The following GLRA2 variants were observed in gnomAD, a reference collection of about 807,000 sequenced individuals.
GLRA2 encodes the protein glycine receptor subunit alpha-2.
In GLRA2, 11 loss-of-function variants were observed where a neutral mutation model predicts 31.6. The observed-to-expected ratio is 0.35, with a 90% CI of 0.22 to 0.58. The LOEUF is 0.58. Ranked by LOEUF, GLRA2 falls within the 20% of genes least tolerant of loss-of-function variation. The pLI is 0.84. For synonymous variants in GLRA2, 132 were observed against 134.0 expected (o/e 0.99, Z 0.10); for missense variants, 212 against 351.8 (o/e 0.60, Z 3.18).
the GLRA2 span, among the ~76,000 whole-genome samples, chrX:14,500,012 G>T: frequency 1.3e-4 from 14 of 111,615 alleles, no homozygotes; most frequent in African/African-American, 2.3e-4. Flanking sequence ...CTTCCACTTT[G>T]TGTGTTGTCT....
the GLRA2 span, among the ~76,000 whole-genome samples, chrX:14,472,726 A>G: frequency 3.2e-4 from 36 of 111,736 alleles, no homozygotes; most frequent in African/African-American, 1.1e-3. Context: ...ATGTTTGGTC[A>G]AATAAGTAGG....
chrX:14,590,419 G>A (rs894995735), intron 4 of GLRA2, among the ~76,000 whole-genome samples: 3 of 111,626 alleles, frequency 2.7e-5, no homozygotes, highest in Non-Finnish European at 5.6e-5. Flanking sequence ...TTTCTCACAT[G>A]GCCTCCCATC....
intron 4 of GLRA2, among the ~76,000 whole-genome samples, chrX:14,593,475 T>C (rs1299700857): frequency 8.9e-6 from 1 of 112,293 alleles, no homozygotes; most frequent in Non-Finnish European, 1.9e-5. Context: ...TGATGTTTCA[T>C]TTTAGTATGG....
the GLRA2 span, among the ~76,000 whole-genome samples, chrX:14,519,034 A>AT: frequency 1.9e-5 from 2 of 105,152 alleles, no homozygotes; most frequent in African/African-American, 6.9e-5. Flanking sequence ...AAAAAAAAAA[A>AT]GGAGATCAGG....
intron 7 of GLRA2, among the ~76,000 whole-genome samples, chrX:14,615,710 T>C (rs753277298): frequency 1.8e-5 from 2 of 111,050 alleles, no homozygotes; most frequent in African/African-American, 3.3e-5. Flanking sequence ...CTCATAATAT[T>C]TGGGCTACAC....
chrX:14,501,695 A>G, the GLRA2 span, among the ~76,000 whole-genome samples: 1 of 112,368 alleles, frequency 8.9e-6, no homozygotes, highest in East Asian at 2.8e-4. Flanking sequence ...GCAAGTGGCT[A>G]TACTTAAGAA....
chrX:14,665,089 C>G (rs1221416315), intron 7 of GLRA2, among the ~76,000 whole-genome samples: 2 of 111,896 alleles, frequency 1.8e-5, no homozygotes, highest in Non-Finnish European at 3.8e-5. Flanking sequence ...TATTATTATT[C>G]TGGCTTCAAT....
At chrX:14,450,884 T>A in the GLRA2 span, among the ~76,000 whole-genome samples, 1 of 111,458 alleles carries the variant, frequency 9.0e-6, no homozygotes, top group Non-Finnish European at 1.9e-5. Flanking sequence ...CTAATTTTTG[T>A]ATTTTTAATA....
the GLRA2 span, among the ~76,000 whole-genome samples, chrX:14,468,913 C>A: frequency 9.1e-6 from 1 of 110,487 alleles, no homozygotes; most frequent in African/African-American, 3.3e-5. Context: ...CTCTGATGGC[C>A]AGTGATGGTG....
intron 2 of GLRA2, among the ~76,000 whole-genome samples, chrX:14,542,040 G>T (rs2089412262): frequency 9.0e-6 from 1 of 111,254 alleles, no homozygotes. Flanking sequence ...TGGGATCTTG[G>T]AGTATTCATT....
chrX:14,604,725 G>A (rs2090316396), intron 5 of GLRA2, among the ~76,000 whole-genome samples: 1 of 110,200 alleles, frequency 9.1e-6, no homozygotes, highest in African/African-American at 3.3e-5. Context: ...AATGTCTCCT[G>A]AGAAAATTAA....
rs1157722406 is a variant in GLRA2, at chrX:14,681,891, C to CAA, written c.931-8800_931-8799dup. Among the ~76,000 whole-genome samples, 115 of 26,587 alleles carry CAA rather than the reference C, an allele frequency of 4.3e-3. 3 individuals carry two copies. The highest frequency in any genetic ancestry group is 8.0e-3 in the Non-Finnish European group (97 of 12,151). 23.1% of individuals were successfully genotyped at this position (26,587 alleles called of 115,157 possible). On this transcript the variant is annotated intron_variant, in intron 7 of 8. Coordinates refer to ENST00000218075, the MANE Select transcript of GLRA2 (RefSeq NM_002063.4). ...TGGGCAACAGTGCGAGACACCATCT[C>CAA]AAAAAAAAAAAAAAAAAAAATATAT...
chrX:14,663,814 T>C (rs563296335), intron 7 of GLRA2, among the ~76,000 whole-genome samples: 43 of 111,504 alleles, frequency 3.9e-4, no homozygotes, highest in African/African-American at 1.3e-3. Context: ...ATCTCCTCAG[T>C]TTCAGTAAAG....
At chrX:14,616,728 C>T (rs778026183) in intron 7 of GLRA2, among the ~76,000 whole-genome samples, 1 of 111,552 alleles carries the variant, frequency 9.0e-6, no homozygotes, top group Non-Finnish European at 1.9e-5. Context: ...CAGGTATATC[C>T]CCAGCTAATT....
the GLRA2 span, among the ~76,000 whole-genome samples, chrX:14,507,908 G>A: frequency 0.039 from 4,241 of 108,702 alleles, 216 homozygotes; most frequent in African/African-American, 0.14. Context: ...TGGCCAGGGT[G>A]GTCTTGAACT....
At chrX:14,643,363 A>G (rs1232732525) in intron 7 of GLRA2, among the ~76,000 whole-genome samples, 1 of 111,801 alleles carries the variant, frequency 8.9e-6, no homozygotes, top group Non-Finnish European at 1.9e-5. Context: ...TTAGGCAGCA[A>G]TAGAAAAGGA....
chrX:14,460,114 A>G, the GLRA2 span, among the ~76,000 whole-genome samples: 4 of 110,822 alleles, frequency 3.6e-5, no homozygotes, highest in Non-Finnish European at 7.6e-5. Flanking sequence ...GGCCTTTTCT[A>G]CATCTATTGA....
At chrX:14,637,079 T>C (rs2090717839) in intron 7 of GLRA2, among the ~76,000 whole-genome samples, 9 of 112,371 alleles carry the variant, frequency 8.0e-5, no homozygotes, top group Middle Eastern at 9.2e-3. Flanking sequence ...ACTAGACACC[T>C]GGAGAGGAAC....
At chrX:14,571,768 ACC>A (rs2089887217) in intron 2 of GLRA2, among the ~76,000 whole-genome samples, 1 of 108,933 alleles carries the variant, frequency 9.2e-6, no homozygotes, top group Non-Finnish European at 1.9e-5. Context: ...TGAACCTTGA[ACC>A]AAAAAAAAGT....
Sources: allele counts gnomAD v4.1 joint callset (sites outside exome capture counted in the v4.1 genomes callset), GRCh38; gene constraint gnomAD v4.1.1; transcripts MANE v1.5; gene names NCBI Gene and HGNC (gene_info 2026-07-23, HGNC 2026-07-21).